TRIM41: variants seen among roughly 807,000 people sequenced by gnomAD.
The protein encoded by TRIM41 is tripartite motif containing 41, also known as E3 ubiquitin-protein ligase TRIM41.
A neutral mutation model predicts 60.6 loss-of-function variants in TRIM41; 21 were observed. That is an observed-to-expected ratio of 0.35 (90% CI 0.25 to 0.50). The LOEUF is 0.50. Among genes scored for constraint, TRIM41 ranks in the 20% least tolerant of loss-of-function variants. The probability of loss-of-function intolerance (pLI) is 0.98; values close to 1 mark genes in which losing one functional copy is unlikely to be tolerated. For synonymous variants in TRIM41, 407 were observed against 344.9 expected (o/e 1.18, Z -2.00); for missense variants, 846 against 868.3 (o/e 0.97, Z 0.32).
Position 181,224,123 on chromosome 5 carries a change from G to C in TRIM41, c.124G>C (p.Val42Leu). The C allele has an allele frequency of 6.2e-7, 1 of 1,614,254 alleles. No individual in the cohort carries two copies. Among genetic ancestry groups the C allele is most frequent in the Non-Finnish European group, 8.5e-7 (1 of 1,180,050 alleles). ...CGGCTGCGGGCACAACTTCTGCCGA[G>C]TTTGTGTAACCCAGTTGTGGGGTGG... Reference protein sequence around the residue: ...SIGCGHNFCRVCVTQLWGGED... With the variant: ...SIGCGHNFCRLCVTQLWGGED... The change falls in exon 1 of 6, where the codon GTT (valine) becomes CTT (leucine). Residue 42 changes from valine (V) to leucine (L), a missense_variant. By Grantham distance (32) the Val-to-Leu change is conservative. Coordinates refer to ENST00000315073, the MANE Select transcript of TRIM41 (RefSeq NM_033549.5).
chr5:181,232,538 A>T (rs752175226), intron 2 of TRIM41, 121 bp from the exon 3 acceptor site: 9 of 913,770 alleles, frequency 9.8e-6, no homozygotes, highest in African/African-American at 5.1e-5. Flanking sequence ...TTCCGGGACT[A>T]TCTTGGACCT....
At position 181,234,884 on chromosome 5, in the gene TRIM41, G is replaced by T. The variant is rs1330588269; in HGVS notation, c.*109G>T. The T allele has an allele frequency of 6.2e-7, 1 of 1,611,768 alleles. No individual in the cohort carries two copies. Among genetic ancestry groups the T allele is most frequent in the South Asian group, 1.1e-5 (1 of 90,974 alleles). On this transcript the variant is annotated 3_prime_UTR_variant, in exon 6 of 6. Transcript: ENST00000315073. This position sits in a 1 kb window ranked among gnomAD's most constrained non-coding sequence, Gnocchi z 5.6. ...GGCTCTTCCCACTGCTTGTTACTGT[G>T]TTGCTTCCCACTCCCCCTTGACCCC...
intron 1 of TRIM41, 196 bp downstream of exon 1, chr5:181,225,008 T>A: frequency 1.5e-6 from 1 of 676,962 alleles, no homozygotes; most frequent in Non-Finnish European, 2.5e-6. Context: ...GCAGATGCAG[T>A]GAAGACGACC....
In TRIM41 at chr5:181,233,481, C is replaced by A. The variant is rs1001983824; in HGVS notation, c.1163+46C>A. ...CTTCGTGACCCAGTGGCATCTGGTT[C>A]CCTGTCCCTGCTTCTCTTCGGTATC... On this transcript the variant is annotated intron_variant, in intron 4 of 5. Coordinates refer to ENST00000315073, the MANE Select transcript of TRIM41 (RefSeq NM_033549.5). This position sits in a 1 kb window ranked among gnomAD's most constrained non-coding sequence, Gnocchi z 4.1. 3.1e-6 allele frequency: 5 copies of A among 1,613,980 alleles called. No individual in the cohort carries two copies. In the African/African-American group the frequency reaches 4.0e-5, roughly 13 times the overall value.
Position 181,234,462 on chromosome 5 carries a change from C to T in TRIM41, c.1580C>T (p.Ser527Phe). 6.2e-7 allele frequency: 1 copy of T among 1,612,730 alleles called. No homozygotes were observed. The highest frequency in any genetic ancestry group is 1.1e-5 in the South Asian group (1 of 90,948). Residue 527 changes from serine to phenylalanine, a missense_variant, in exon 6 of 6, where the codon TCC becomes TTC. Physicochemically the swap from Ser to Phe is radical, Grantham distance 155. Transcript: ENST00000315073. The surrounding 1 kb of genome is among the most constrained non-coding windows in gnomAD (Gnocchi z 5.6). The part of the protein sequence containing the change: ...GSSVGSGDAS[S>F]SRHHHRRRRL... Reference sequence around the variant, plus strand: ...TCCGTGGGCAGCGGGGATGCCAGCTCCTCGCGCCATCACCATCGCCGCCGC... The same window carrying T: ...TCCGTGGGCAGCGGGGATGCCAGCTTCTCGCGCCATCACCATCGCCGCCGC...
At chr5:181,226,867 C>CT (rs772430149) in intron 1 of TRIM41, 2 of 50,892 alleles carry the variant, frequency 3.9e-5, no homozygotes, top group African/African-American at 1.9e-4. Context: ...AATCTCTTTT[C>CT]TTTTCCCCCC....
intron 2 of TRIM41, 91 bp downstream of exon 2, chr5:181,230,930 CCT>C: frequency 8.4e-7 from 1 of 1,185,580 alleles, no homozygotes; most frequent in East Asian, 2.5e-5. Context: ...GACTTGGTCC[CCT>C]GAGGAGGGGA....
chr5:181,223,659 G>A lies in TRIM41; in HGVS notation c.-341G>A. On this transcript the variant is annotated 5_prime_UTR_variant, in exon 1 of 6. Transcript: ENST00000315073. The stretch of plus-strand genomic sequence containing the variant: ...GTGTAGACGCCGGAAGTGTTGGGAA[G>A]GAGGCCGGAAGCTAGGGGCGGGGCC... 2.1e-6 allele frequency: 1 copy of A among 482,580 alleles called. No individual in the cohort carries two copies. Among genetic ancestry groups the A allele is most frequent in the Non-Finnish European group, 3.7e-6 (1 of 273,922 alleles). The allele number at this position is 482,580 out of a possible 1,614,324, so 29.9% of individuals were successfully genotyped here.
chr5:181,234,045 T>C lies in TRIM41; in HGVS notation c.1292-129T>C, dbSNP rs1758931786. 6.7e-7 allele frequency: 1 copy of C among 1,487,626 alleles called. No individual in the cohort carries two copies. Among genetic ancestry groups the C allele is most frequent in the Non-Finnish European group, 9.2e-7 (1 of 1,085,968 alleles). The allele number at this position is 1,487,626 out of a possible 1,614,324, so 92.2% of individuals were successfully genotyped here. On this transcript the variant is annotated intron_variant, in intron 5 of 5. Transcript: ENST00000315073. This position sits in a 1 kb window ranked among gnomAD's most constrained non-coding sequence, Gnocchi z 5.6. ...GGAGCAAGATGAGCCTGCAGGAATC[T>C]GAGGCTGGCCTCTGGGATGGTGTGG...
rs1310831186 is a variant in TRIM41 at position 181,233,561 on chromosome 5, C to T, written c.1164-75C>T. 16 of 1,609,116 alleles carry T rather than the reference C, an allele frequency of 9.9e-6. No individual in the cohort carries two copies. The highest frequency in any genetic ancestry group is 1.4e-5 in the Non-Finnish European group (16 of 1,176,360). On this transcript the variant is annotated intron_variant, in intron 4 of 5. Coordinates refer to ENST00000315073, the MANE Select transcript of TRIM41 (RefSeq NM_033549.5). This position sits in a 1 kb window ranked among gnomAD's most constrained non-coding sequence, Gnocchi z 4.1. ...GAGTTTCCATCTCCTGGACCCTCCT[C>T]TCCTTCCCCTCAGCTTTTGCTTTTC...
At chr5:181,225,109 C>T (rs1008637510) in intron 1 of TRIM41, 5 of 472,148 alleles carry the variant, frequency 1.1e-5, no homozygotes, top group African/African-American at 5.9e-5. Flanking sequence ...CGTTTTCTTT[C>T]GGGTGAGTCT....
In TRIM41 at chr5:181,232,840, T is replaced by A. The variant is rs1466032499; in HGVS notation, c.1091T>A (p.Leu364Gln). 1 of 1,562,350 alleles carries A rather than the reference T, an allele frequency of 6.4e-7. No homozygotes were observed. Among genetic ancestry groups the A allele is most frequent in the Non-Finnish European group, 8.6e-7 (1 of 1,156,216 alleles). ...AEQAAQLSRLLAEAQERSQQG... is the reference protein window; with the variant it reads ...AEQAAQLSRLQAEAQERSQQG... ...CAGGCCGCCCAGCTCAGCCGCCTGC[T>A]GGCAGAGGCCCAGGAGCGGAGCCAG... Residue 364 changes from leucine (L) to glutamine (Q), a missense_variant, in exon 3 of 6, where the codon CTG becomes CAG. Transcript: ENST00000315073.
In TRIM41 at chr5:181,234,156, T is replaced by C; in HGVS notation, c.1292-18T>C. The C allele has an allele frequency of 6.2e-7, 1 of 1,606,338 alleles. No individual in the cohort carries two copies. The highest frequency in any genetic ancestry group is 1.1e-5 in the South Asian group (1 of 91,080). ...AGCCGTTCCAGCCCTGGCGTATTTGTCCTCCCTCCCTCCCAAGTGGACCTG... is the reference window on the plus strand; with the variant it reads ...AGCCGTTCCAGCCCTGGCGTATTTGCCCTCCCTCCCTCCCAAGTGGACCTG... On this transcript the variant is annotated intron_variant, in intron 5 of 5. Transcript: ENST00000315073. This position sits in a 1 kb window ranked among gnomAD's most constrained non-coding sequence, Gnocchi z 5.6.
chr5:181,224,525 G>A lies in TRIM41; in HGVS notation c.526G>A (p.Ala176Thr). The A allele has an allele frequency of 1.2e-6, 2 of 1,612,280 alleles. No homozygotes were observed. Among genetic ancestry groups the A allele is most frequent in the South Asian group, 1.1e-5 (1 of 91,010 alleles). ...CGTCACCCCACTGCCCCCGCCTCCA[G>A]CCCCTCGGAGGTGCTTCACATGCCC... ...DPVTPLPPPP[A>T]PRRCFTCPQC... is the part of the protein sequence containing the mutation. Residue 176 changes from alanine (A) to threonine (T), a missense_variant, in exon 1 of 6, where the codon GCC becomes ACC. Ala to Thr is a moderately conservative substitution (Grantham distance 58). Coordinates refer to ENST00000315073, the MANE Select transcript of TRIM41 (RefSeq NM_033549.5).
At position 181,234,654 on chromosome 5, in the gene TRIM41, G is replaced by T; in HGVS notation, c.1772G>T (p.Gly591Val). The change falls in exon 6 of 6, where the codon GGC becomes GTC. Residue 591 changes from glycine to valine, a missense_variant. Physicochemically the swap from Gly to Val is moderately radical, Grantham distance 109. Transcript: ENST00000315073. The surrounding 1 kb of genome is among the most constrained non-coding windows in gnomAD (Gnocchi z 5.6). ...VYLDYEAGRL[G>V]FYNAETLAHV... is the part of the protein sequence containing the mutation. The stretch of plus-strand genomic sequence containing the variant: ...CTGGACTATGAAGCTGGGCGCCTGG[G>T]CTTCTACAACGCAGAGACTCTAGCC... The T allele has an allele frequency of 6.2e-7, 1 of 1,614,234 alleles. No homozygotes were observed. Among genetic ancestry groups the T allele is most frequent in the Non-Finnish European group, 8.5e-7 (1 of 1,180,036 alleles).
chr5:181,224,667 A>C lies in TRIM41; in HGVS notation c.668A>C (p.Asp223Ala). The C allele has an allele frequency of 1.9e-6, 3 of 1,614,194 alleles. No individual in the cohort carries two copies. The highest frequency in any genetic ancestry group is 2.5e-6 in the Non-Finnish European group (3 of 1,180,036). Reference protein sequence around the residue: ...PTPGRGSRVTDQGICPKHQEA... With the variant: ...PTPGRGSRVTAQGICPKHQEA... ...CCTGGTCGAGGGAGCCGCGTGACCG[A>C]TCAGGGCATCTGTCCCAAACACCAA... Residue 223 changes from aspartate (D) to alanine (A), a missense_variant, in exon 1 of 6, where the codon GAT becomes GCT. By Grantham distance (126) the Asp-to-Ala change is moderately radical. Coordinates refer to ENST00000315073, the MANE Select transcript of TRIM41 (RefSeq NM_033549.5).
At chr5:181,231,223 G>A (rs1267021735) in intron 2 of TRIM41, 3 of 262,268 alleles carry the variant, frequency 1.1e-5, no homozygotes, top group Non-Finnish European at 2.3e-5. Flanking sequence ...AGCATGAGGC[G>A]GACACTGTCC....
In TRIM41 at chr5:181,224,200, C is replaced by T. The variant is rs778184916; in HGVS notation, c.201C>T (p.Asp67=). The T allele has an allele frequency of 8.7e-6, 14 of 1,611,182 alleles. No homozygotes were observed. The East Asian group carries it at 2.0e-4, about 23-fold the overall frequency. Residue 67 remains aspartate, a synonymous_variant, in exon 1 of 6, where the codon GAC becomes GAT. Coordinates refer to ENST00000315073, the MANE Select transcript of TRIM41 (RefSeq NM_033549.5). ...DELDREEEEE[D]GEEEEVEAVG... ...TAGATCGGGAGGAGGAGGAGGAGGA[C>T]GGAGAGGAGGAGGAAGTGGAGGCTG...
At chr5:181,232,196 C>T (rs903935245) in intron 2 of TRIM41, 1 of 161,756 alleles carries the variant, frequency 6.2e-6, no homozygotes, top group African/African-American at 2.4e-5. Context: ...GTCCGAGGAC[C>T]CTGGCAAACA....
Sources: gnomAD v4.1 joint callset for allele counts on GRCh38, gnomAD v4.1.1 for gene constraint, Gnocchi (gnomAD v3.1) non-coding constraint, MANE v1.5 for transcripts, NCBI Gene and HGNC (gene_info 2026-07-23, HGNC 2026-07-21) for gene names.